The following GRIK4 variants were observed in gnomAD, a reference collection of about 807,000 sequenced individuals.
GRIK4 encodes glutamate ionotropic receptor kainate type subunit 4, also known as glutamate receptor ionotropic, kainate 4.
In GRIK4, 40 loss-of-function variants were observed where a neutral mutation model predicts 104.9. The ratio of observed to expected loss-of-function variants is 0.38; its 90% CI spans 0.30 to 0.50. GRIK4 has a LOEUF of 0.50. Ranked by LOEUF, GRIK4 falls within the 20% of genes least tolerant of loss-of-function variation. The pLI, the probability that GRIK4 is intolerant of heterozygous loss-of-function variation, is 0.93. For missense variants in GRIK4, 1,047 were observed against 1,308.1 expected (o/e 0.80, Z 3.08); for synonymous variants, 485 against 524.9 (o/e 0.92, Z 1.04).
rs1201660829 is a variant in GRIK4, at chr11:120,986,307, A to AGGGGC, written c.*56_*60dup. 2 of 536,764 alleles carry AGGGGC rather than the reference A, an allele frequency of 3.7e-6. No individual in the cohort carries two copies. The highest frequency in any genetic ancestry group is 2.7e-6 in the Non-Finnish European group (1 of 365,628). 33.3% of individuals were successfully genotyped at this position (536,764 alleles called of 1,614,324 possible). On this transcript the variant is annotated 3_prime_UTR_variant, in exon 21 of 21. Transcript: ENST00000527524. ...CAGAGGCCGGGCGGGGCGGGAGGGG[A>AGGGGC]GGGGCGGGGCGGGCGCTGCTGTCAG...
At chr11:120,835,686 G>GGCT (rs1953557593) in intron 7 of GRIK4, among the ~76,000 whole-genome samples, 1 of 152,132 alleles carries the variant, frequency 6.6e-6, no homozygotes, top group South Asian at 2.1e-4. Context: ...AGTGGCCCAG[G>GGCT]GCTGCAGAAT....
chr11:120,821,221 A>G (rs570272192), intron 6 of GRIK4, among the ~76,000 whole-genome samples: 34 of 152,350 alleles, frequency 2.2e-4, no homozygotes, highest in East Asian at 1.9e-3. Context: ...CAAATGTGCA[A>G]TGTGGCCAGT....
chr11:120,778,039 C>T (rs1039819757), intron 3 of GRIK4, among the ~76,000 whole-genome samples: 1 of 152,060 alleles, frequency 6.6e-6, no homozygotes, highest in Non-Finnish European at 1.5e-5. Context: ...GGCCTTGCCG[C>T]TCAGGTGACA....
chr11:120,742,526 A>T (rs59533387), intron 3 of GRIK4, among the ~76,000 whole-genome samples: 61,610 of 145,796 alleles, frequency 0.42, 13,651 homozygotes, highest in South Asian at 0.55. Context: ...TATTATTATT[A>T]TTTTTTTTTG....
chr11:120,821,604 G>A (rs1178760901), intron 6 of GRIK4, among the ~76,000 whole-genome samples: 6 of 152,312 alleles, frequency 3.9e-5, no homozygotes, highest in African/African-American at 9.6e-5. Context: ...CTGGTTTTGG[G>A]TCTGTGAAAA....
In GRIK4 at chr11:120,780,605, A is replaced by C. The variant is rs899976461; in HGVS notation, c.83-22088A>C. Among the ~76,000 whole-genome samples the C allele has an allele frequency of 7.2e-5, 11 of 152,328 alleles. No homozygotes were observed. The East Asian group carries it at 1.9e-3, about 27-fold the overall frequency. ...TATGAACATGGGTGTACAAATATCAATTTGAGACCCTGCTTTCTATTATTT... is the reference window on the plus strand; with the variant it reads ...TATGAACATGGGTGTACAAATATCACTTTGAGACCCTGCTTTCTATTATTT... On this transcript the variant is annotated intron_variant, in intron 3 of 20. Coordinates refer to ENST00000527524, the MANE Select transcript of GRIK4 (RefSeq NM_014619.5).
At chr11:120,755,877 TA>T (rs1480811659) in intron 3 of GRIK4, among the ~76,000 whole-genome samples, 4 of 152,176 alleles carry the variant, frequency 2.6e-5, no homozygotes, top group Non-Finnish European at 4.4e-5. Flanking sequence ...GCCTGGTAGG[TA>T]AACTATTATT....
At chr11:120,758,218 A>G (rs1343005890) in intron 3 of GRIK4, among the ~76,000 whole-genome samples, 1 of 152,110 alleles carries the variant, frequency 6.6e-6, no homozygotes, top group East Asian at 1.9e-4. Context: ...CATTGTACCC[A>G]TCCTGAGGAC....
At chr11:120,890,509 A>C (rs964110000) in intron 11 of GRIK4, among the ~76,000 whole-genome samples, 2 of 152,204 alleles carry the variant, frequency 1.3e-5, no homozygotes, top group African/African-American at 4.8e-5. Flanking sequence ...GGTCAAGACA[A>C]GATACACCTG....
chr11:120,643,972 T>G (rs1354493280), intron 1 of GRIK4, among the ~76,000 whole-genome samples: 1 of 149,914 alleles, frequency 6.7e-6, no homozygotes, highest in Non-Finnish European at 1.5e-5. Flanking sequence ...CAGATAATAG[T>G]ACTTTATATA....
chr11:120,686,613 A>G (rs1263153738), intron 3 of GRIK4, among the ~76,000 whole-genome samples: 4 of 152,246 alleles, frequency 2.6e-5, no homozygotes, highest in Non-Finnish European at 5.9e-5. Flanking sequence ...GTTACTCTCC[A>G]TTAAATATGC....
chr11:120,814,582 G>A (rs972253038), intron 4 of GRIK4, among the ~76,000 whole-genome samples: 1 of 152,200 alleles, frequency 6.6e-6, no homozygotes, highest in African/African-American at 2.4e-5. Flanking sequence ...CTGGGTGACA[G>A]GGTGCGACTC....
intron 20 of GRIK4, 23 bp from the exon 21 acceptor site, chr11:120,985,881 C>T (rs1944734345): frequency 1.9e-6 from 3 of 1,550,132 alleles, no homozygotes; most frequent in Non-Finnish European, 2.6e-6. Context: ...GAGGCTGGGC[C>T]CTGACCTCGC....
chr11:120,862,129 C>A lies in GRIK4; in HGVS notation c.906+9C>A, dbSNP rs754330101. ...CCTTCACTGGGCCTGCGGTAAGTAC[C>A]CGCCAGAGCTCTTCCTGGTGCCCCT... On this transcript the variant is annotated intron_variant, in intron 9 of 20. Coordinates refer to ENST00000527524, the MANE Select transcript of GRIK4 (RefSeq NM_014619.5). The A allele has an allele frequency of 6.2e-7, 1 of 1,611,616 alleles. No homozygotes were observed. Among genetic ancestry groups the A allele is most frequent in the South Asian group, 1.1e-5 (1 of 90,742 alleles).
chr11:120,817,172 C>CTG (rs934003143), intron 5 of GRIK4, among the ~76,000 whole-genome samples: 5 of 152,168 alleles, frequency 3.3e-5, no homozygotes, highest in African/African-American at 1.2e-4. Context: ...ACAGTCTTTG[C>CTG]TGTGCATCAC....
At chr11:120,809,391 C>G (rs776123721) in intron 4 of GRIK4, among the ~76,000 whole-genome samples, 7 of 152,208 alleles carry the variant, frequency 4.6e-5, no homozygotes, top group Non-Finnish European at 1.0e-4. Context: ...GGGCCGAGGC[C>G]TGCAGAATCA....
intron 6 of GRIK4, among the ~76,000 whole-genome samples, chr11:120,821,471 C>T (rs1953125661): frequency 6.6e-6 from 1 of 152,166 alleles, no homozygotes. Context: ...AGCAGAGATC[C>T]TTGTAGCAGG....
chr11:120,723,875 T>C (rs1265497171), intron 3 of GRIK4, among the ~76,000 whole-genome samples: 1 of 152,158 alleles, frequency 6.6e-6, no homozygotes, highest in Non-Finnish European at 1.5e-5. Flanking sequence ...TCTATGAGTG[T>C]TGACGAATGC....
chr11:120,512,713 C>G (rs989536551), intron 1 of GRIK4, among the ~76,000 whole-genome samples: 1 of 152,086 alleles, frequency 6.6e-6, no homozygotes, highest in Non-Finnish European at 1.5e-5. Context: ...CTGTGCGCTC[C>G]GACCTGGCTG....
Sources: allele counts gnomAD v4.1 joint callset (sites outside exome capture counted in the v4.1 genomes callset), GRCh38; gene constraint gnomAD v4.1.1; transcripts MANE v1.5; gene names NCBI Gene and HGNC (gene_info 2026-07-23, HGNC 2026-07-21).